DSCAM: variants seen among roughly 807,000 people sequenced by gnomAD.
DSCAM encodes DS cell adhesion molecule.
A neutral mutation model predicts 217.7 loss-of-function variants in DSCAM; 47 were observed. The ratio of observed to expected loss-of-function variants is 0.22; its 90% CI spans 0.17 to 0.28. The LOEUF is 0.28. DSCAM is among the 10% of genes least tolerant of loss of function. The pLI, the probability that DSCAM is intolerant of heterozygous loss-of-function variation, is 1.00. For synonymous variants in DSCAM, 1,056 were observed against 1,015.3 expected (o/e 1.04, Z -0.76); for missense variants, 2,080 against 2,618.3 (o/e 0.79, Z 4.49).
chr21:40,526,818 GA>G (rs137955920), intron 3 of DSCAM, among the ~76,000 whole-genome samples: 89 of 145,742 alleles, frequency 6.1e-4, no homozygotes, highest in South Asian at 4.6e-3. Context: ...AGTTAATTAA[GA>G]AAAAAAAAAC....
intron 27 of DSCAM, 65 bp downstream of exon 27, chr21:40,074,972 A>C: frequency 6.5e-7 from 1 of 1,548,456 alleles, no homozygotes. Context: ...TCCAGCTGGC[A>C]TCTCTCCCAT....
intron 3 of DSCAM, among the ~76,000 whole-genome samples, chr21:40,372,807 G>A (rs1160862652): frequency 6.6e-6 from 1 of 152,186 alleles, no homozygotes; most frequent in Non-Finnish European, 1.5e-5. Context: ...TAAACTAAGA[G>A]TAAATAGGTT....
At chr21:40,182,644 A>ACCAGAGAAACCGTGGACTGGG (rs2090828473) in intron 14 of DSCAM, among the ~76,000 whole-genome samples, 1 of 51,448 alleles carries the variant, frequency 1.9e-5, no homozygotes, top group African/African-American at 1.1e-4. Flanking sequence ...CGTGGACAGG[A>ACCAGAGAAACCGTGGACTGGG]GGGGGTTACC....
At chr21:40,033,722 G>A (rs1444410280) in intron 32 of DSCAM, among the ~76,000 whole-genome samples, 2 of 151,020 alleles carry the variant, frequency 1.3e-5, no homozygotes, top group Non-Finnish European at 2.9e-5. Context: ...CACCTCTAGG[G>A]GCAGGGCACA....
At position 40,041,632 on chromosome 21, in the gene DSCAM, T is replaced by C. The variant is rs74621094; in HGVS notation, c.5686+739A>G. Among the ~76,000 whole-genome samples the C allele has an allele frequency of 3.6e-3, 543 of 152,280 alleles. 6 individuals are homozygous for C. Among genetic ancestry groups the C allele is most frequent in the African/African-American group, 0.013 (534 of 41,560 alleles). On this transcript the variant is annotated intron_variant, in intron 32 of 32. Coordinates refer to ENST00000400454, the MANE Select transcript of DSCAM (RefSeq NM_001389.5). ...AGCCTCTGCATTCTATTATCTGCCATGCCTTGCTGACCTCAAAATTTGCAG... is the reference window on the plus strand; with the variant it reads ...AGCCTCTGCATTCTATTATCTGCCACGCCTTGCTGACCTCAAAATTTGCAG...
At chr21:40,032,449 G>A (rs1025395225) in intron 32 of DSCAM, among the ~76,000 whole-genome samples, 1 of 152,056 alleles carries the variant, frequency 6.6e-6, no homozygotes, top group Non-Finnish European at 1.5e-5. Flanking sequence ...CTTAAAAAAT[G>A]CATGAGGGCC....
intron 3 of DSCAM, among the ~76,000 whole-genome samples, chr21:40,554,868 C>T (rs2076658703): frequency 6.6e-6 from 1 of 152,112 alleles, no homozygotes; most frequent in South Asian, 2.1e-4. Flanking sequence ...TAACACTTGA[C>T]ACATGGTATT....
At position 40,708,517 on chromosome 21, in the gene DSCAM, A is replaced by C. The variant is rs1214845317; in HGVS notation, c.298T>G (p.Tyr100Asp). 6.5e-7 allele frequency: 1 copy of C among 1,540,836 alleles called. No homozygotes were observed. The highest frequency in any genetic ancestry group is 8.8e-7 in the Non-Finnish European group (1 of 1,140,226). The change falls in exon 2 of 33, where the codon TAT becomes GAT. Residue 100 changes from tyrosine (Y) to aspartate (D), a missense_variant. Transcript: ENST00000400454. ...SFSTLIHDNTYYCTAENPSGK... is the reference protein window; with the variant it reads ...SFSTLIHDNTDYCTAENPSGK... ...GAAGGATTTTCAGCTGTGCAATAATAAGTATTATCATGGATTAAGGTACTG... is the reference window on the plus strand; with the variant it reads ...GAAGGATTTTCAGCTGTGCAATAATCAGTATTATCATGGATTAAGGTACTG...
intron 3 of DSCAM, among the ~76,000 whole-genome samples, chr21:40,511,900 AGAATGGCGCGAATCCGGGAGCT>A (rs2076260622): frequency 6.7e-6 from 1 of 148,472 alleles, no homozygotes; most frequent in African/African-American, 2.5e-5. Context: ...CTGAGGCAGG[AGAATGGCGCGAATCCGGGAGCT>A]GGAGCTTGCA....
chr21:40,355,293 C>T (rs1415635538), intron 4 of DSCAM, among the ~76,000 whole-genome samples: 1 of 152,170 alleles, frequency 6.6e-6, no homozygotes, highest in East Asian at 1.9e-4. Context: ...ATGAGCACTA[C>T]CGACAGCATG....
At chr21:40,706,931 G>A (rs1298440212) in intron 2 of DSCAM, among the ~76,000 whole-genome samples, 2 of 152,146 alleles carry the variant, frequency 1.3e-5, no homozygotes, top group Non-Finnish European at 2.9e-5. Context: ...CAGATGTCAA[G>A]AACGCCAGCA....
intron 11 of DSCAM, among the ~76,000 whole-genome samples, chr21:40,235,853 T>TAAACGTATGCAAC (rs1273345421): frequency 6.6e-6 from 1 of 152,018 alleles, no homozygotes; most frequent in Non-Finnish European, 1.5e-5. Context: ...TTAGATGCAA[T>TAAACGTATGCAAC]AAACGTATGT....
chr21:40,760,867 A>G (rs1261773748), intron 1 of DSCAM, among the ~76,000 whole-genome samples: 1 of 152,156 alleles, frequency 6.6e-6, no homozygotes, highest in Non-Finnish European at 1.5e-5. Flanking sequence ...CCCAGCTGGG[A>G]CAGGGTCCCC....
chr21:40,013,959 C>A (rs1354721437), intron 32 of DSCAM, among the ~76,000 whole-genome samples: 1 of 152,248 alleles, frequency 6.6e-6, no homozygotes, highest in East Asian at 1.9e-4. Flanking sequence ...CTAACTTCTG[C>A]GTGGCTCTTC....
intron 2 of DSCAM, among the ~76,000 whole-genome samples, chr21:40,706,615 C>T (rs73903007): frequency 6.6e-6 from 1 of 152,224 alleles, no homozygotes; most frequent in African/African-American, 2.4e-5. Context: ...AGAGGATACC[C>T]CGTGAGTGAG....
At chr21:40,090,624 T>G (rs1363090362) in intron 21 of DSCAM, among the ~76,000 whole-genome samples, 1 of 151,900 alleles carries the variant, frequency 6.6e-6, no homozygotes, top group Non-Finnish European at 1.5e-5. Flanking sequence ...CTGCTGCCTC[T>G]CTGGCTTTTC....
At chr21:40,152,930 C>T (rs1191067834) in intron 16 of DSCAM, among the ~76,000 whole-genome samples, 1 of 152,236 alleles carries the variant, frequency 6.6e-6, no homozygotes, top group East Asian at 1.9e-4. Flanking sequence ...CACCTGTTGG[C>T]TGGAGTCTGC....
intron 8 of DSCAM, among the ~76,000 whole-genome samples, chr21:40,315,028 G>T (rs1216320624): frequency 3.3e-5 from 5 of 152,180 alleles, no homozygotes; most frequent in African/African-American, 9.6e-5. Context: ...TTACAACAGG[G>T]AGAAGGAATA....
chr21:40,033,872 G>T (rs372773556), intron 32 of DSCAM, among the ~76,000 whole-genome samples: 14 of 137,120 alleles, frequency 1.0e-4, no homozygotes, highest in Non-Finnish European at 1.8e-4. Flanking sequence ...CCCTGACCCC[G>T]GACCCCCGAG....
Sources: gnomAD v4.1 joint callset for allele counts (sites outside exome capture counted in the v4.1 genomes callset) on GRCh38, gnomAD v4.1.1 for gene constraint, MANE v1.5 for transcripts, NCBI Gene and HGNC (gene_info 2026-07-23, HGNC 2026-07-21) for gene names.